The following ARHGAP28 variants were observed in gnomAD, a reference collection of about 807,000 sequenced individuals.
ARHGAP28 encodes rho GTPase-activating protein 28.
In ARHGAP28, 56 loss-of-function variants were observed where a neutral mutation model predicts 90.7. That is an observed-to-expected ratio of 0.62 (90% CI 0.50 to 0.77). The LOEUF (loss-of-function observed/expected upper bound fraction) is 0.77, where lower values mean the gene tolerates loss of function less well. Ranked by LOEUF, ARHGAP28 falls within the 30% of genes least tolerant of loss-of-function variation. The probability of loss-of-function intolerance (pLI) is 0.00; values close to 1 mark genes in which losing one functional copy is unlikely to be tolerated. For synonymous variants in ARHGAP28, 308 were observed against 323.3 expected, an observed-to-expected ratio of 0.95 and a Z score of 0.51; for missense variants, 869 against 900.9, an observed-to-expected ratio of 0.96 and a Z score of 0.45.
At chr18:6,909,301 T>TTTTCTTTTCTTTTCTTCTCTTTTCTTTTC (rs56989288) in intron 17 of ARHGAP28, among the ~76,000 whole-genome samples, 1 of 31,762 alleles carries the variant, frequency 3.1e-5, no homozygotes, top group Non-Finnish European at 8.1e-5. Flanking sequence ...TTTTCTTTTC[T>TTTTCTTTTCTTTTCTTCTCTTTTCTTTTC]TTTTTTTTTG....
At chr18:6,910,956 T>C (rs1046102238) in intron 17 of ARHGAP28, among the ~76,000 whole-genome samples, 4 of 151,832 alleles carry the variant, frequency 2.6e-5, no homozygotes, top group Non-Finnish European at 4.4e-5. Context: ...GCCATTCTCC[T>C]GCCTCAGCCT....
At chr18:6,893,867 GTT>G (rs5822929) in intron 14 of ARHGAP28, among the ~76,000 whole-genome samples, 3 of 130,806 alleles carry the variant, frequency 2.3e-5, no homozygotes, top group Admixed American at 8.0e-5. Context: ...TTGCTTTTTG[GTT>G]TTTTTTTTTT....
intron 15 of ARHGAP28, among the ~76,000 whole-genome samples, chr18:6,895,621 G>A (rs937462397): frequency 6.6e-6 from 1 of 152,198 alleles, no homozygotes; most frequent in Non-Finnish European, 1.5e-5. Flanking sequence ...TTCACATGGT[G>A]TTCTTTCTTG....
Position 6,765,338 on chromosome 18 carries a change from TTTC to T in ARHGAP28, c.122+35403_122+35405del, listed in dbSNP as rs1039238491. 7.9e-5 allele frequency among the ~76,000 whole-genome samples: 12 copies of T among 152,294 alleles called. No homozygotes were observed. In the East Asian group the frequency reaches 1.9e-3, roughly 24 times the overall value. On this transcript the variant is annotated intron_variant, in intron 1 of 17. Coordinates refer to ENST00000383472, the MANE Select transcript of ARHGAP28 (RefSeq NM_001366230.1). ...CTTTAATAAATATGGGTCGATCTCA[TTTC>T]TTCTTCTGTCAGTTCTAATAAATTA... is the stretch of plus-strand genomic sequence containing the variant.
At position 6,840,736 on chromosome 18, in the gene ARHGAP28, T is replaced by G. The variant is rs568782538; in HGVS notation, c.543+3322T>G. ...GAATTGAGAATGGGGACTAAGGAAG[T>G]GGGTGGGCACAGGAGAAAGAAAGAC... On this transcript the variant is annotated intron_variant, in intron 3 of 17. Transcript: ENST00000383472. Among the ~76,000 whole-genome samples, 50 of 152,148 alleles carry G rather than the reference T, an allele frequency of 3.3e-4. No individual in the cohort carries two copies. The South Asian group carries it at 9.7e-3, about 30-fold the overall frequency.
intron 1 of ARHGAP28, among the ~76,000 whole-genome samples, chr18:6,755,681 C>T (rs558789998): frequency 6.6e-6 from 1 of 152,252 alleles, no homozygotes; most frequent in Admixed American, 6.5e-5. Flanking sequence ...AACAATTATG[C>T]CTGGACAGCA....
chr18:6,778,097 G>A (rs1386062860), intron 1 of ARHGAP28, among the ~76,000 whole-genome samples: 1 of 152,196 alleles, frequency 6.6e-6, no homozygotes, highest in African/African-American at 2.4e-5. Flanking sequence ...ACTTGGGAAA[G>A]TTTTGCCCTT....
chr18:6,912,907 T>C lies in ARHGAP28; in HGVS notation c.*753T>C, dbSNP rs969048463. On this transcript the variant is annotated 3_prime_UTR_variant, in exon 18 of 18. Coordinates refer to ENST00000383472, the MANE Select transcript of ARHGAP28 (RefSeq NM_001366230.1). ...GTGTCATATGCTTTCCTAACCTGAT[T>C]TGTAGTTAACATTCACAGAGCCTAC... 2.0e-5 allele frequency: 3 copies of C among 152,212 alleles called. No homozygotes were observed. The highest frequency in any genetic ancestry group is 4.4e-5 in the Non-Finnish European group (3 of 68,032). 9.4% of individuals were successfully genotyped at this position (152,212 alleles called of 1,614,324 possible).
chr18:6,791,019 A>G (rs767690360), intron 1 of ARHGAP28: 12 of 152,210 alleles, frequency 7.9e-5, no homozygotes, highest in Non-Finnish European at 1.5e-4. Flanking sequence ...TGCCCCAACT[A>G]TAATATAAAG....
At chr18:6,827,276 G>T (rs887570514) in intron 2 of ARHGAP28, among the ~76,000 whole-genome samples, 3 of 150,882 alleles carry the variant, frequency 2.0e-5, no homozygotes, top group Non-Finnish European at 4.4e-5. Context: ...GGGCTGAGGC[G>T]CCCCTCACCT....
rs532243203 is a variant in ARHGAP28 at position 6,821,803 on chromosome 18, T to C, written c.123-2959T>C. Among the ~76,000 whole-genome samples the C allele has an allele frequency of 5.6e-4, 86 of 152,284 alleles. 2 individuals are homozygous for C. Among genetic ancestry groups the C allele is most frequent in the African/African-American group, 2.0e-3 (85 of 41,552 alleles). The stretch of plus-strand genomic sequence containing the variant: ...TGTCCCCAGCAGAGTTTTATGAGGG[T>C]CTCTTCCCTGAGATTCCATTAGTAG... On this transcript the variant is annotated intron_variant, in intron 1 of 17. Coordinates refer to ENST00000383472, the MANE Select transcript of ARHGAP28 (RefSeq NM_001366230.1).
At position 6,856,555 on chromosome 18, in the gene ARHGAP28, C is replaced by G. The variant is rs1042857813; in HGVS notation, c.637-3253C>G. ...GACAGGGTCTCACTCTGTTGTCCAG[C>G]CTGGAGAGCACTGGCACAATCATAG... On this transcript the variant is annotated intron_variant, in intron 4 of 17. Coordinates refer to ENST00000383472, the MANE Select transcript of ARHGAP28 (RefSeq NM_001366230.1). Among the ~76,000 whole-genome samples the G allele has an allele frequency of 3.3e-5, 5 of 152,058 alleles. No homozygotes were observed. In the East Asian group the frequency reaches 7.7e-4, roughly 23 times the overall value.
intron 16 of ARHGAP28, among the ~76,000 whole-genome samples, chr18:6,906,633 G>A (rs929960383): frequency 5.3e-5 from 8 of 152,138 alleles, no homozygotes; most frequent in African/African-American, 9.7e-5. Flanking sequence ...AAATTAACTC[G>A]AAATGGATCA....
chr18:6,872,828 T>C (rs1329482750), intron 7 of ARHGAP28, among the ~76,000 whole-genome samples: 2 of 152,212 alleles, frequency 1.3e-5, no homozygotes, highest in South Asian at 4.1e-4. Context: ...CTGTATTTGC[T>C]TTTTTAAGAA....
chr18:6,809,509 G>T (rs575989566), intron 1 of ARHGAP28, among the ~76,000 whole-genome samples: 40 of 152,172 alleles, frequency 2.6e-4, no homozygotes, highest in African/African-American at 8.4e-4. Flanking sequence ...TTCTGCTTCT[G>T]GGGAGGCCTC....
intron 1 of ARHGAP28, among the ~76,000 whole-genome samples, chr18:6,811,740 C>A (rs554346915): frequency 6.6e-6 from 1 of 151,034 alleles, no homozygotes; most frequent in African/African-American, 2.4e-5. Flanking sequence ...TTTTTTAATT[C>A]TTCCTGGGAT....
At chr18:6,752,414 C>T (rs542256961) in intron 1 of ARHGAP28, among the ~76,000 whole-genome samples, 2 of 152,208 alleles carry the variant, frequency 1.3e-5, no homozygotes, top group South Asian at 2.1e-4. Context: ...GTTCTGATTG[C>T]ATCACTGTCC....
At chr18:6,785,786 T>A (rs2056360472) in intron 1 of ARHGAP28, among the ~76,000 whole-genome samples, 1 of 152,250 alleles carries the variant, frequency 6.6e-6, no homozygotes, top group African/African-American at 2.4e-5. Context: ...ATTTTCAGGC[T>A]TTACTTAGTT....
At chr18:6,763,662 A>G (rs1480218499) in intron 1 of ARHGAP28, among the ~76,000 whole-genome samples, 1 of 152,152 alleles carries the variant, frequency 6.6e-6, no homozygotes, top group Non-Finnish European at 1.5e-5. Flanking sequence ...TCACTGACCT[A>G]TCAGCCAGTG....
Sources: gnomAD v4.1 joint callset for allele counts (sites outside exome capture counted in the v4.1 genomes callset) on GRCh38, gnomAD v4.1.1 for gene constraint, MANE v1.5 for transcripts, NCBI Gene and HGNC (gene_info 2026-07-23, HGNC 2026-07-21) for gene names.